Variants in MCTP2 observed in about 807,000 individuals in gnomAD.
The protein encoded by MCTP2 is multiple C2 and transmembrane domain-containing protein 2.
Under a neutral mutation model 111.6 loss-of-function variants are expected in MCTP2, and 132 were observed. That is an observed-to-expected ratio of 1.18 (90% confidence interval 1.03 to 1.37). The LOEUF (loss-of-function observed/expected upper bound fraction) is 1.37. MCTP2 is among the 40% of genes most tolerant of loss of function. The pLI is 0.00. For missense variants in MCTP2, 1,183 were observed against 1,067.9 expected (o/e 1.11, Z -1.50); for synonymous variants, 395 against 387.7 (o/e 1.02, Z -0.22).
intron 17 of MCTP2, among the ~76,000 whole-genome samples, chr15:94,416,274 A>G (rs528493744): frequency 2.6e-5 from 4 of 152,102 alleles, no homozygotes; most frequent in Non-Finnish European, 5.9e-5. Flanking sequence ...TGTTTTAAAG[A>G]AATTCTTGTT....
rs542435646 is a variant in MCTP2 at position 94,461,741 on chromosome 15, A to G, written c.2360+3495A>G. Among the ~76,000 whole-genome samples, 4 of 152,244 alleles carry G rather than the reference A, an allele frequency of 2.6e-5. No individual in the cohort carries two copies. In the South Asian group the frequency reaches 8.3e-4, roughly 32 times the overall value. On this transcript the variant is annotated intron_variant, in intron 20 of 22. Coordinates refer to ENST00000357742, the MANE Select transcript of MCTP2 (RefSeq NM_001385001.1). Reference sequence around the variant, plus strand: ...GCTAGAAATGATGTGAAAAAATACTAAGCAGAAGATGGGCAAGCAGGTTAA... The same window carrying G: ...GCTAGAAATGATGTGAAAAAATACTGAGCAGAAGATGGGCAAGCAGGTTAA...
intron 20 of MCTP2, among the ~76,000 whole-genome samples, chr15:94,460,146 G>C (rs1219303258): frequency 1.3e-5 from 2 of 152,198 alleles, no homozygotes; most frequent in East Asian, 3.9e-4. Context: ...AGTAGCATTA[G>C]TGGTAGGGAG....
At chr15:94,459,243 T>G (rs1157416455) in intron 20 of MCTP2, among the ~76,000 whole-genome samples, 3 of 152,326 alleles carry the variant, frequency 2.0e-5, no homozygotes, top group South Asian at 2.1e-4. Flanking sequence ...TAAGAATATA[T>G]TGTTTTGGAA....
At chr15:94,238,026 C>T (rs904867505) in intron 1 of MCTP2, among the ~76,000 whole-genome samples, 12 of 151,924 alleles carry the variant, frequency 7.9e-5, no homozygotes, top group African/African-American at 2.4e-4. Flanking sequence ...ATTTCTTGAA[C>T]GTATTTCATT....
chr15:94,334,823 C>T (rs74028570), intron 4 of MCTP2, among the ~76,000 whole-genome samples: 9,450 of 152,198 alleles, frequency 0.062, 968 homozygotes, highest in African/African-American at 0.21. Context: ...GCTGAGATTA[C>T]AGGCGTGAGC....
chr15:94,376,555 A>G (rs1008872085), intron 12 of MCTP2, among the ~76,000 whole-genome samples: 1 of 152,180 alleles, frequency 6.6e-6, no homozygotes, highest in Non-Finnish European at 1.5e-5. Context: ...CCTGATATAT[A>G]TTTTGTGCTT....
intron 1 of MCTP2, among the ~76,000 whole-genome samples, chr15:94,276,741 T>TA (rs1185922532): frequency 7.7e-5 from 11 of 143,610 alleles, no homozygotes; most frequent in Non-Finnish European, 1.7e-4. Context: ...CATTAACAGA[T>TA]AAAAGGAGAA....
At chr15:94,356,457 C>T (rs1596461020) in intron 9 of MCTP2, among the ~76,000 whole-genome samples, 156 bp downstream of exon 9, 1 of 152,296 alleles carries the variant, frequency 6.6e-6, no homozygotes, top group East Asian at 1.9e-4. Flanking sequence ...TGTATAGATG[C>T]AGTCAATTAA....
chr15:94,390,132 A>ATATATATATG (rs1358369611), intron 14 of MCTP2, among the ~76,000 whole-genome samples: 2 of 90,478 alleles, frequency 2.2e-5, no homozygotes, highest in African/African-American at 7.6e-5. Flanking sequence ...ATATATATAT[A>ATATATATATG]CTTAGATGTT....
At chr15:94,445,037 G>A (rs926556063) in intron 19 of MCTP2, among the ~76,000 whole-genome samples, 3 of 152,190 alleles carry the variant, frequency 2.0e-5, no homozygotes, top group Non-Finnish European at 2.9e-5. Flanking sequence ...GTCTACCACT[G>A]ATGTACTTCA....
rs201756116 is a variant in MCTP2 at position 94,242,980 on chromosome 15, C to CAT, written c.-66+11318_-66+11319dup. 2.0e-4 allele frequency among the ~76,000 whole-genome samples: 13 copies of CAT among 66,636 alleles called. No individual in the cohort carries two copies. The East Asian group carries it at 2.2e-3, about 11-fold the overall frequency. 43.7% of individuals were successfully genotyped at this position (66,636 alleles called of 152,430 possible). On this transcript the variant is annotated intron_variant, in intron 1 of 22. Transcript: ENST00000357742. ...ATACACGTGTATATGTGTATCTACA[C>CAT]ATACACGTGTATATGTGTATCTACA...
At position 94,385,479 on chromosome 15, in the gene MCTP2, A is replaced by G. The variant is rs946791676; in HGVS notation, c.1742A>G (p.Asp581Gly). ...LEVTVFDEDGDKPPDFLGKVA... is the reference protein window; with the variant it reads ...LEVTVFDEDGGKPPDFLGKVA... ...GTGACAGTGTTTGATGAAGATGGAG[A>G]TAAACCCCCAGATTTTCTTGGAAAA... is the stretch of plus-strand genomic sequence containing the variant. Residue 581 changes from aspartate (D) to glycine (G), a missense_variant, in exon 14 of 23, where the codon GAT (aspartate) becomes GGT (glycine). Asp to Gly is a moderately conservative substitution (Grantham distance 94). Transcript: ENST00000357742. 2 of 1,613,560 alleles carry G rather than the reference A, an allele frequency of 1.2e-6. No homozygotes were observed. Among genetic ancestry groups the G allele is most frequent in the African/African-American group, 2.7e-5 (2 of 75,028 alleles).
intron 1 of MCTP2, among the ~76,000 whole-genome samples, chr15:94,279,837 G>T (rs2074390128): frequency 6.6e-6 from 1 of 152,158 alleles, no homozygotes; most frequent in Admixed American, 6.5e-5. Context: ...TTTATCAAAA[G>T]CCTTTTCTGC....
chr15:94,337,720 T>C (rs1340027562), intron 4 of MCTP2, among the ~76,000 whole-genome samples: 2 of 146,564 alleles, frequency 1.4e-5, no homozygotes, highest in Admixed American at 1.4e-4. Context: ...TGCCCAAGTT[T>C]AAAATAAAGA....
intron 1 of MCTP2, among the ~76,000 whole-genome samples, chr15:94,257,743 T>C (rs1214275835): frequency 1.3e-5 from 2 of 151,788 alleles, no homozygotes; most frequent in East Asian, 1.9e-4. Context: ...TGTGCCACCA[T>C]GCCCAGCTAA....
At chr15:94,471,759 GAAAA>G (rs200725385) in intron 21 of MCTP2, among the ~76,000 whole-genome samples, 5 of 131,776 alleles carry the variant, frequency 3.8e-5, no homozygotes, top group African/African-American at 1.1e-4. Flanking sequence ...GGCATATTTT[GAAAA>G]AAAAAAAAAA....
intron 17 of MCTP2, among the ~76,000 whole-genome samples, chr15:94,431,969 A>G (rs2083207772): frequency 1.3e-5 from 2 of 152,126 alleles, no homozygotes; most frequent in East Asian, 3.8e-4. Context: ...TGTCTCAAAG[A>G]CCACTCCAGT....
chr15:94,256,686 A>G (rs866915097), intron 1 of MCTP2, among the ~76,000 whole-genome samples: 11 of 152,208 alleles, frequency 7.2e-5, no homozygotes, highest in South Asian at 4.1e-4. Context: ...AAGAAGCACA[A>G]CTTGCCCATG....
chr15:94,474,859 G>T (rs965811481), intron 21 of MCTP2, among the ~76,000 whole-genome samples: 8 of 149,834 alleles, frequency 5.3e-5, no homozygotes, highest in African/African-American at 1.7e-4. Context: ...TTTATCCTAA[G>T]TTTTTTTTTT....
Sources: gnomAD v4.1 joint callset for allele counts (sites outside exome capture counted in the v4.1 genomes callset) on GRCh38, gnomAD v4.1.1 for gene constraint, MANE v1.5 for transcripts, NCBI Gene and HGNC (gene_info 2026-07-23, HGNC 2026-07-21) for gene names.